Variants in RCAN1 observed in about 807,000 individuals in gnomAD.
RCAN1 encodes regulator of calcineurin 1.
A neutral mutation model predicts 22.9 loss-of-function variants in RCAN1; 11 were observed. The observed-to-expected ratio is 0.48, with a 90% CI of 0.30 to 0.79. RCAN1 has a LOEUF of 0.79. Among genes scored for constraint, RCAN1 ranks in the 30% least tolerant of loss-of-function variants. The pLI, the probability that RCAN1 is intolerant of heterozygous loss-of-function variation, is 0.06. For synonymous variants in RCAN1, 136 were observed against 142.3 expected (o/e 0.96, Z 0.32); for missense variants, 291 against 337.8 (o/e 0.86, Z 1.09).
chr21:34,605,860 C>T (rs1333064313), intron 1 of RCAN1, among the ~76,000 whole-genome samples: 1 of 146,160 alleles, frequency 6.8e-6, no homozygotes, highest in African/African-American at 2.5e-5. Flanking sequence ...GCAGAGGTTG[C>T]AGTGAGCTGA....
chr21:34,542,641 T>C (rs1985964815), intron 1 of RCAN1, among the ~76,000 whole-genome samples: 1 of 152,226 alleles, frequency 6.6e-6, no homozygotes, highest in Admixed American at 6.5e-5. Flanking sequence ...AGATGACTAT[T>C]GTTATTTACA....
intron 1 of RCAN1, among the ~76,000 whole-genome samples, chr21:34,546,057 C>T (rs772918971): frequency 2.0e-5 from 3 of 152,164 alleles, no homozygotes; most frequent in Non-Finnish European, 2.9e-5. Flanking sequence ...TGTTGAAGGA[C>T]ATCAGTCAAT....
intron 1 of RCAN1, among the ~76,000 whole-genome samples, chr21:34,589,948 G>A (rs73353704): frequency 0.041 from 6,157 of 150,910 alleles, 349 homozygotes; most frequent in African/African-American, 0.12. Flanking sequence ...CACATCTACC[G>A]CTATGTCTAT....
At chr21:34,582,852 G>T (rs575821719) in intron 1 of RCAN1, among the ~76,000 whole-genome samples, 1 of 152,162 alleles carries the variant, frequency 6.6e-6, no homozygotes, top group Non-Finnish European at 1.5e-5. Flanking sequence ...GAGAGAGGGA[G>T]GGTAAAAAGC....
intron 1 of RCAN1, among the ~76,000 whole-genome samples, chr21:34,543,402 G>C (rs1202008372): frequency 6.6e-6 from 1 of 152,178 alleles, no homozygotes; most frequent in South Asian, 2.1e-4. Context: ...ATGAGCCAAG[G>C]AAAGTGGGAG....
rs372161677 is a variant in RCAN1 at position 34,569,950 on chromosome 21, G to A, written c.252+44810C>T. Reference sequence around the variant, plus strand: ...ACTCAAGGGGCTTCGGGTGGGGTTTGGTAGAGGCAAAGGGGCTGGAGGAAG... The same window carrying A: ...ACTCAAGGGGCTTCGGGTGGGGTTTAGTAGAGGCAAAGGGGCTGGAGGAAG... On this transcript the variant is annotated intron_variant, in intron 1 of 3. Coordinates refer to ENST00000313806, the MANE Select transcript of RCAN1 (RefSeq NM_004414.7). 5.9e-5 allele frequency among the ~76,000 whole-genome samples: 9 copies of A among 152,354 alleles called. No individual in the cohort carries two copies. In the East Asian group the frequency reaches 1.7e-3, roughly 29 times the overall value.
At chr21:34,546,982 G>A (rs1986169769) in intron 1 of RCAN1, among the ~76,000 whole-genome samples, 1 of 152,134 alleles carries the variant, frequency 6.6e-6, no homozygotes, top group Non-Finnish European at 1.5e-5. Flanking sequence ...ATACCTACGT[G>A]AATAAATCTC....
intron 1 of RCAN1, among the ~76,000 whole-genome samples, chr21:34,595,875 CG>C (rs1988133487): frequency 6.6e-6 from 1 of 152,180 alleles, no homozygotes; most frequent in Admixed American, 6.5e-5. Flanking sequence ...GTGGGACATA[CG>C]TGTGAAAAGG....
intron 3 of RCAN1, among the ~76,000 whole-genome samples, chr21:34,520,136 C>T (rs181295561): frequency 1.3e-5 from 2 of 152,344 alleles, no homozygotes; most frequent in East Asian, 3.9e-4. Context: ...TGAAATCTCA[C>T]TCAAGCTCAC....
At chr21:34,585,742 C>CAAAAAA (rs59014706) in intron 1 of RCAN1, among the ~76,000 whole-genome samples, 37 of 45,870 alleles carry the variant, frequency 8.1e-4, no homozygotes, top group African/African-American at 1.3e-3. Flanking sequence ...GACTCCATCT[C>CAAAAAA]AAAAAAAAAA....
intron 1 of RCAN1, among the ~76,000 whole-genome samples, chr21:34,541,761 T>G (rs1410279284): frequency 6.6e-6 from 1 of 152,092 alleles, no homozygotes; most frequent in Non-Finnish European, 1.5e-5. Context: ...GGTGAAACAC[T>G]GTCTCTACTA....
rs144175552 is a variant in RCAN1 at position 34,518,768 on chromosome 21, C to T, written c.587-512G>A. 2.6e-3 allele frequency among the ~76,000 whole-genome samples: 392 copies of T among 152,338 alleles called. 5 individuals are homozygous for T. Among genetic ancestry groups the T allele is most frequent in the African/African-American group, 8.8e-3 (366 of 41,574 alleles). ...AGGGGTGGCTGCACGGAGCCAGGTG[C>T]TCTGGAAACGTTTTTGACCTGGGCA... On this transcript the variant is annotated intron_variant, in intron 3 of 3. Transcript: ENST00000313806. This position sits in a 1 kb window ranked among gnomAD's most constrained non-coding sequence, Gnocchi z 4.2.
At chr21:34,525,262 G>C in intron 1 of RCAN1, 1 of 1,550,694 alleles carries the variant, frequency 6.4e-7, no homozygotes, top group Non-Finnish European at 8.7e-7. Flanking sequence ...TGCCAGGCAG[G>C]TCGTTAAGGA....
chr21:34,557,128 T>A (rs57852005), intron 1 of RCAN1, among the ~76,000 whole-genome samples: 36,718 of 151,926 alleles, frequency 0.24, 5,159 homozygotes, highest in African/African-American at 0.39. Flanking sequence ...CAGGAGAATT[T>A]CTTGAACCCG....
At chr21:34,525,043 G>A (rs761578120) in intron 1 of RCAN1, 30 of 1,547,518 alleles carry the variant, frequency 1.9e-5, no homozygotes, top group Middle Eastern at 1.7e-4. Context: ...AGGGGATGGC[G>A]CAGGGTGTGG....
chr21:34,585,267 A>C (rs1275602712), intron 1 of RCAN1, among the ~76,000 whole-genome samples: 1 of 152,244 alleles, frequency 6.6e-6, no homozygotes, highest in Non-Finnish European at 1.5e-5. Flanking sequence ...TCTTAGAATA[A>C]TGCTAATGTC....
At chr21:34,552,622 T>C (rs1471059065) in intron 1 of RCAN1, among the ~76,000 whole-genome samples, 2 of 151,966 alleles carry the variant, frequency 1.3e-5, no homozygotes, top group Non-Finnish European at 2.9e-5. Context: ...GTGTAGCCAC[T>C]CACATGCAGA....
At position 34,563,794 on chromosome 21, in the gene RCAN1, TAGAG is replaced by T. The variant is rs60116779; in HGVS notation, c.253-40088_253-40085del. 4.4e-3 allele frequency among the ~76,000 whole-genome samples: 215 copies of T among 48,716 alleles called. 1 individual carries two copies. Among genetic ancestry groups the T allele is most frequent in the African/African-American group, 6.4e-3 (76 of 11,934 alleles). The allele number at this position is 48,716 out of a possible 152,430, so 32.0% of individuals were successfully genotyped here. ...AAATATATATATATATATATATATATAGAGAGAGAGAGAGAGAGAGAGAGAGGCA... is the reference window on the plus strand; with the variant it reads ...AAATATATATATATATATATATATATAGAGAGAGAGAGAGAGAGAGAGGCA... On this transcript the variant is annotated intron_variant, in intron 1 of 3. Coordinates refer to ENST00000313806, the MANE Select transcript of RCAN1 (RefSeq NM_004414.7).
At chr21:34,591,177 T>C (rs937162639) in intron 1 of RCAN1, among the ~76,000 whole-genome samples, 1 of 152,216 alleles carries the variant, frequency 6.6e-6, no homozygotes, top group Admixed American at 6.5e-5. Context: ...GGCACAGTTC[T>C]AGGAGCTGAT....
Sources: allele counts gnomAD v4.1 joint callset (sites outside exome capture counted in the v4.1 genomes callset), GRCh38; gene constraint gnomAD v4.1.1; non-coding constraint Gnocchi (gnomAD v3.1); transcripts MANE v1.5; gene names NCBI Gene and HGNC (gene_info 2026-07-23, HGNC 2026-07-21).